PSEN2: variants seen among roughly 807,000 people sequenced by gnomAD.
PSEN2 encodes the protein presenilin-2.
A neutral mutation model predicts 49.1 loss-of-function variants in PSEN2; 32 were observed. The ratio of observed to expected loss-of-function variants is 0.65; its 90% CI spans 0.49 to 0.88. The LOEUF is 0.88. PSEN2 is among the 40% of genes least tolerant of loss of function. The probability of loss-of-function intolerance (pLI) is 0.00; values close to 1 mark genes in which losing one functional copy is unlikely to be tolerated. For missense variants in PSEN2, 522 were observed against 586.9 expected (o/e 0.89, Z 1.14); for synonymous variants, 255 against 244.0 (o/e 1.05, Z -0.42).
chr1:226,880,774 C>T (rs1660938406), intron 3 of PSEN2: 1 of 1,611,146 alleles, frequency 6.2e-7, no homozygotes. Context: ...CCACTTGGCA[C>T]TGTTTTAGGG....
chr1:226,900,283 C>T (rs899881585), downstream of PSEN2, among the ~76,000 whole-genome samples: 2 of 152,166 alleles, frequency 1.3e-5, no homozygotes, highest in Admixed American at 1.3e-4. Flanking sequence ...CCCCCCACCG[C>T]TGCCACCATT....
At chr1:226,881,751 T>C in intron 3 of PSEN2, 137 bp from the exon 4 acceptor site, 1 of 933,748 alleles carries the variant, frequency 1.1e-6, no homozygotes, top group Admixed American at 1.8e-5. Context: ...AGTCGTTTGA[T>C]TGACAGGCAT....
chr1:226,892,311 AG>A (rs1203818140), intron 11 of PSEN2, among the ~76,000 whole-genome samples: 1 of 152,190 alleles, frequency 6.6e-6, no homozygotes, highest in Non-Finnish European at 1.5e-5. Context: ...AGAGGAGCAC[AG>A]GGTGGGGAGC....
chr1:226,890,901 G>C (rs1571964836), intron 9 of PSEN2: 1 of 269,524 alleles, frequency 3.7e-6, no homozygotes, highest in Admixed American at 4.9e-5. Context: ...CGCCTGCAGC[G>C]TGGCCCCACG....
chr1:226,890,261 G>A lies in PSEN2; in HGVS notation c.886+128G>A, dbSNP rs1353124788. 3.8e-6 allele frequency: 3 copies of A among 783,704 alleles called. No individual in the cohort carries two copies. The Admixed American group carries it at 5.6e-5, about 15-fold the overall frequency. 48.5% of individuals were successfully genotyped at this position (783,704 alleles called of 1,614,324 possible). A position where few individuals can be genotyped will look rare whatever the true frequency, so the allele number is the denominator to read the frequency against. ...GATCCCAGGAGGGTCTCCACTTTCA[G>A]AAGCCAGGGAGGGCAGTATCTTGTT... On this transcript the variant is annotated intron_variant, in intron 9 of 12. Transcript: ENST00000366783.
At chr1:226,874,652 C>G (rs1660517022) in intron 2 of PSEN2, among the ~76,000 whole-genome samples, 1 of 152,208 alleles carries the variant, frequency 6.6e-6, no homozygotes, top group African/African-American at 2.4e-5. Context: ...TCCTCCATTT[C>G]ATCTTCTTTA....
intron 12 of PSEN2, among the ~76,000 whole-genome samples, chr1:226,901,874 C>T (rs1662330850): frequency 6.6e-6 from 1 of 152,132 alleles, no homozygotes; most frequent in Admixed American, 6.5e-5. Context: ...TTAATTTTCC[C>T]CTAAGGAAGG....
rs1662097492 is a variant in PSEN2 at position 226,895,611 on chromosome 1, A to G, written c.*32A>G. 1.3e-6 allele frequency: 2 copies of G among 1,596,596 alleles called. No individual in the cohort carries two copies. The highest frequency in any genetic ancestry group is 2.3e-5 in the East Asian group (1 of 44,182). On this transcript the variant is annotated 3_prime_UTR_variant, in exon 13 of 13. Coordinates refer to ENST00000366783, the MANE Select transcript of PSEN2 (RefSeq NM_000447.3). ...TGGTGTGCCACAGGCTGCAAGCTGC[A>G]GGGAATTTTCATTGGATGCAGTTGT...
chr1:226,891,750 C>A lies in PSEN2; in HGVS notation c.978C>A (p.Asp326Glu). Residue 326 changes from aspartate (D) to glutamate (E), a missense_variant, in exon 11 of 13, where the codon GAC becomes GAA. Physicochemically the swap from Asp to Glu is conservative, Grantham distance 45. Coordinates refer to ENST00000366783, the MANE Select transcript of PSEN2 (RefSeq NM_000447.3). ...QLPYDPEMEE[D>E]SYDSFGEPSY... Reference sequence around the variant, plus strand: ...CTCTTCCTGGACACCCAGAAGAAGACTCCTATGACAGTTTTGGGGAGCCTT... The same window carrying A: ...CTCTTCCTGGACACCCAGAAGAAGAATCCTATGACAGTTTTGGGGAGCCTT... 6.2e-7 allele frequency: 1 copy of A among 1,613,942 alleles called. No homozygotes were observed. The highest frequency in any genetic ancestry group is 8.5e-7 in the Non-Finnish European group (1 of 1,179,814).
chr1:226,879,848 A>C (rs1277236590), intron 3 of PSEN2, among the ~76,000 whole-genome samples: 1 of 152,106 alleles, frequency 6.6e-6, no homozygotes, highest in Non-Finnish European at 1.5e-5. Flanking sequence ...ATCTATCCTA[A>C]ACAGAAGGTG....
rs755495216 is a variant in PSEN2 at position 226,890,061 on chromosome 1, G to A, written c.814G>A (p.Gly272Arg). The change falls in exon 9 of 13, where the codon GGG (glycine) becomes AGG (arginine). Residue 272 changes from glycine (G) to arginine (R), a missense_variant. Gly to Arg is a moderately radical substitution (Grantham distance 125). Coordinates refer to ENST00000366783, the MANE Select transcript of PSEN2 (RefSeq NM_000447.3). ...TCTCGTGGCTGTGCTGTGTCCCAAA[G>A]GGCCTCTGAGAATGCTGGTAGAAAC... ...YDLVAVLCPKGPLRMLVETAQ... is the reference protein window; with the variant it reads ...YDLVAVLCPKRPLRMLVETAQ... 3 of 1,614,070 alleles carry A rather than the reference G, an allele frequency of 1.9e-6. No individual in the cohort carries two copies. In the South Asian group the frequency reaches 3.3e-5, roughly 18 times the overall value.
At chr1:226,870,892 G>A (rs1660233243) in intron 1 of PSEN2, 1 of 152,326 alleles carries the variant, frequency 6.6e-6, no homozygotes, top group Non-Finnish European at 1.5e-5. Flanking sequence ...CCGGAACTGG[G>A]TCGTGGAAGG....
At chr1:226,899,034 A>C (rs1042199210), downstream of PSEN2, 1 of 152,204 alleles carries the variant, frequency 6.6e-6, no homozygotes, top group East Asian at 1.9e-4. Flanking sequence ...TCTTTGATTA[A>C]TTATATGCAT....
At chr1:226,882,696 C>T (rs2102669897) in intron 4 of PSEN2, among the ~76,000 whole-genome samples, 1 of 152,258 alleles carries the variant, frequency 6.6e-6, no homozygotes, top group South Asian at 2.1e-4. Context: ...AGTCTTAATC[C>T]TGCTTGCTGA....
Position 226,889,032 on chromosome 1 carries a change from G to A in PSEN2, c.770G>A (p.Gly257Asp). 6.2e-7 allele frequency: 1 copy of A among 1,613,904 alleles called. No homozygotes were observed. The highest frequency in any genetic ancestry group is 8.5e-7 in the Non-Finnish European group (1 of 1,179,942). Residue 257 changes from glycine (G) to aspartate (D), a missense_variant, in exon 8 of 13, where the codon GGC becomes GAC. Transcript: ENST00000366783. ...LPEWSAWVIL[G>D]AISVYDLVAV... ...GAGTGGTCCGCGTGGGTCATCCTGG[G>A]CGCCATCTCTGTGTATGGTAGGTGG... is the stretch of plus-strand genomic sequence containing the variant.
intron 4 of PSEN2, 103 bp downstream of exon 4, chr1:226,882,151 G>A: frequency 6.7e-7 from 1 of 1,487,522 alleles, no homozygotes; most frequent in South Asian, 1.2e-5. Flanking sequence ...GAGGGAGAAG[G>A]GAAGTAATGA....
In PSEN2 at chr1:226,895,426, C is replaced by G; in HGVS notation, c.1194C>G (p.Gly398=). The G allele has an allele frequency of 6.2e-7, 1 of 1,614,076 alleles. No homozygotes were observed. Among genetic ancestry groups the G allele is most frequent in the Non-Finnish European group, 8.5e-7 (1 of 1,179,998 alleles). Residue 398 remains glycine (G), a splice_region_variant and synonymous_variant, in exon 13 of 13, where the codon GGC becomes GGG. Transcript: ENST00000366783. ...ACCCTCCCCTCCATGTCCTGCAGGG[C>G]TTGTGTCTGACCCTCCTGCTGCTTG... ...TLACFVAILI[G]LCLTLLLLAV... is the part of the protein sequence containing the mutation.
intron 7 of PSEN2, 93 bp downstream of exon 7, chr1:226,888,251 C>A: frequency 8.6e-7 from 1 of 1,168,168 alleles, no homozygotes; most frequent in Non-Finnish European, 1.3e-6. Flanking sequence ...GGAAAGATGA[C>A]CATCGAGCTC....
chr1:226,879,719 A>G (rs967824926), intron 3 of PSEN2, among the ~76,000 whole-genome samples: 1 of 152,168 alleles, frequency 6.6e-6, no homozygotes, highest in Non-Finnish European at 1.5e-5. Context: ...GACCTGAGGC[A>G]TCTACTCCTG....
Sources: gnomAD v4.1 joint callset for allele counts (sites outside exome capture counted in the v4.1 genomes callset) on GRCh38, gnomAD v4.1.1 for gene constraint, MANE v1.5 for transcripts, NCBI Gene and HGNC (gene_info 2026-07-23, HGNC 2026-07-21) for gene names.